Variants in PLA2G4E observed in about 807,000 individuals in gnomAD.
PLA2G4E encodes the protein phospholipase A2 group IVE.
PLA2G4E carries 84 observed loss-of-function variants against 109.1 expected under a neutral mutation model. The ratio of observed to expected loss-of-function variants is 0.77; its 90% CI spans 0.65 to 0.92. PLA2G4E has a LOEUF of 0.92. Among genes scored for constraint, PLA2G4E ranks in the 40% least tolerant of loss-of-function variants. PLA2G4E has a pLI of 0.00. For synonymous variants in PLA2G4E, 469 were observed against 436.1 expected (o/e 1.08, Z -0.94); for missense variants, 1,057 against 1,076.6 (o/e 0.98, Z 0.25).
chr15:42,012,482 T>C (rs1324255040), intron 2 of PLA2G4E, among the ~76,000 whole-genome samples: 5 of 152,042 alleles, frequency 3.3e-5, no homozygotes, highest in Admixed American at 2.6e-4. Context: ...GAGCATCGGG[T>C]AGTGTGTGGA....
intron 1 of PLA2G4E, among the ~76,000 whole-genome samples, chr15:42,038,075 G>C (rs934819381): frequency 1.3e-5 from 2 of 152,312 alleles, no homozygotes; most frequent in Admixed American, 1.3e-4. Context: ...ATAACATTAA[G>C]TTTTGCTGTT....
intron 6 of PLA2G4E, among the ~76,000 whole-genome samples, chr15:42,001,828 A>G (rs1426273372): frequency 2.0e-5 from 3 of 152,122 alleles, no homozygotes; most frequent in Admixed American, 6.5e-5. Flanking sequence ...AGTAGCTGGG[A>G]CTACAGACAC....
intron 1 of PLA2G4E, among the ~76,000 whole-genome samples, chr15:42,030,181 AAG>A (rs1247894522): frequency 6.6e-6 from 1 of 152,210 alleles, no homozygotes; most frequent in Non-Finnish European, 1.5e-5. Context: ...TATGGAGTGA[AAG>A]AATCACAATC....
chr15:42,048,369 C>A (rs1349768374), intron 1 of PLA2G4E, among the ~76,000 whole-genome samples: 2 of 152,148 alleles, frequency 1.3e-5, no homozygotes, highest in African/African-American at 4.8e-5. Flanking sequence ...CTGTAGTTAT[C>A]GTATTGGGTT....
intron 10 of PLA2G4E, 131 bp downstream of exon 10, chr15:41,999,393 A>C: frequency 1.5e-6 from 1 of 673,828 alleles, no homozygotes; most frequent in East Asian, 2.7e-5. Flanking sequence ...ATGATATGCC[A>C]GCCAGCCCAT....
At chr15:42,028,403 A>ATTTATTTCTTTC (rs61100580) in intron 1 of PLA2G4E, among the ~76,000 whole-genome samples, 1 of 144,916 alleles carries the variant, frequency 6.9e-6, no homozygotes, top group Non-Finnish European at 1.5e-5. Flanking sequence ...TTATTTATTT[A>ATTTATTTCTTTC]TTTATTTATT....
intron 13 of PLA2G4E, among the ~76,000 whole-genome samples, chr15:41,991,332 A>G (rs991891692): frequency 6.6e-6 from 1 of 152,234 alleles, no homozygotes; most frequent in Non-Finnish European, 1.5e-5. Context: ...TGCGGCACTC[A>G]TGATTGTTAC....
At chr15:42,004,334 G>A (rs56714583) in intron 5 of PLA2G4E, among the ~76,000 whole-genome samples, 2,151 of 147,800 alleles carry the variant, frequency 0.015, 54 homozygotes, top group African/African-American at 0.05. Context: ...AGAAAGGAAA[G>A]AAAGGGAAAG....
chr15:42,009,347 C>T (rs751930823), intron 2 of PLA2G4E, among the ~76,000 whole-genome samples: 35 of 152,240 alleles, frequency 2.3e-4, no homozygotes, highest in Non-Finnish European at 4.1e-4. Flanking sequence ...CCCCCAACTT[C>T]TCATCTGCCC....
chr15:42,014,323 C>G (rs1358703966), intron 1 of PLA2G4E, among the ~76,000 whole-genome samples: 1 of 152,206 alleles, frequency 6.6e-6, no homozygotes, highest in African/African-American at 2.4e-5. Context: ...ATAGCATGCT[C>G]ATATCTAGAA....
At chr15:42,028,659 G>A (rs1258996923) in intron 1 of PLA2G4E, among the ~76,000 whole-genome samples, 1 of 151,966 alleles carries the variant, frequency 6.6e-6, no homozygotes, top group African/African-American at 2.4e-5. Flanking sequence ...TGCCCACCTC[G>A]GCCTCCCAAA....
At chr15:42,039,094 C>G (rs1889269674) in intron 1 of PLA2G4E, among the ~76,000 whole-genome samples, 1 of 152,080 alleles carries the variant, frequency 6.6e-6, no homozygotes. Flanking sequence ...TTCATTGACT[C>G]CACCCACTTC....
rs115949141 is a variant in PLA2G4E, at chr15:42,037,247, T to C, written c.183+13274A>G. Among the ~76,000 whole-genome samples, 1,428 of 152,304 alleles carry C rather than the reference T, an allele frequency of 9.4e-3. 18 individuals are homozygous for C. The highest frequency in any genetic ancestry group is 0.032 in the African/African-American group (1,336 of 41,562). On this transcript the variant is annotated intron_variant, in intron 1 of 19. Transcript: ENST00000399518. Reference sequence around the variant, plus strand: ...CCCCACCTTCAGGCCAGGCTGCCAGTCCTGTAGATCAGAATGGGAACTTGT... The same window carrying C: ...CCCCACCTTCAGGCCAGGCTGCCAGCCCTGTAGATCAGAATGGGAACTTGT...
chr15:41,990,359 G>C (rs2068223310), intron 13 of PLA2G4E, 124 bp from the exon 14 acceptor site: 1 of 827,326 alleles, frequency 1.2e-6, no homozygotes, highest in African/African-American at 1.7e-5. Flanking sequence ...CCGGGCTGCT[G>C]TATCGGCCCC....
In PLA2G4E at chr15:42,030,067, A is replaced by G. The variant is rs141994765; in HGVS notation, c.184-16310T>C. 9.9e-3 allele frequency among the ~76,000 whole-genome samples: 1,506 copies of G among 152,244 alleles called. 110 individuals carry two copies. The highest frequency in any genetic ancestry group is 0.092 in the Admixed American group (1,414 of 15,296). ...AACTTGCCCTTGAAGAAGGAAGGAT[A>G]TGGGCCTGACAAATGAAGAGGAGGG... On this transcript the variant is annotated intron_variant, in intron 1 of 19. Transcript: ENST00000399518.
At position 42,010,142 on chromosome 15, in the gene PLA2G4E, C is replaced by CCCGCCG. The variant is rs1555387036; in HGVS notation, c.257-2278_257-2277insCGGCGG. On this transcript the variant is annotated intron_variant, in intron 2 of 19. Transcript: ENST00000399518. ...TTTTCCAGAACACTGGCCCCCCCACCCCGGGCCTGGACCACACCCTTCAGG... is the reference window on the plus strand; with the variant it reads ...TTTTCCAGAACACTGGCCCCCCCACCCCGCCGCCGGGCCTGGACCACACCCTTCAGG... 5.9e-5 allele frequency: 27 copies of CCCGCCG among 459,840 alleles called. 3 individuals are homozygous for CCCGCCG. Among genetic ancestry groups the CCCGCCG allele is most frequent in the South Asian group, 1.3e-4 (7 of 52,868 alleles). 28.5% of individuals were successfully genotyped at this position (459,840 alleles called of 1,614,324 possible). A position where few individuals can be genotyped will look rare whatever the true frequency, so the allele number is the denominator to read the frequency against.
In PLA2G4E at chr15:42,006,122, C is replaced by T; in HGVS notation, c.394-1G>A. The T allele has an allele frequency of 6.2e-7, 1 of 1,613,592 alleles. No homozygotes were observed. Among genetic ancestry groups the T allele is most frequent in the Non-Finnish European group, 8.5e-7 (1 of 1,179,626 alleles). The stretch of plus-strand genomic sequence containing the variant: ...CACAGACACTCAACTCTAGCACGTT[C>T]TAGGGGAGAAGGAAGGATGCCAGTC... On this transcript the variant is annotated splice_acceptor_variant, in intron 3 of 19. Coordinates refer to ENST00000399518, the Ensembl canonical transcript of PLA2G4E. LOFTEE classifies it high-confidence loss of function.
At chr15:41,996,350 GA>G (rs34559872) in intron 11 of PLA2G4E, among the ~76,000 whole-genome samples, 28,411 of 74,352 alleles carry the variant, frequency 0.38, 6,324 homozygotes, top group Non-Finnish European at 0.45. Flanking sequence ...CCTGTCTCAA[GA>G]AAAAAAAAAA....
rs754873931 is a variant in PLA2G4E at position 42,006,159 on chromosome 15, G to A, written c.394-38C>T. ...GAAGGATGCCAGTCTGGTTACCACGGTTGCATTGACCCCTTCCCAGAACAA... is the reference window on the plus strand; with the variant it reads ...GAAGGATGCCAGTCTGGTTACCACGATTGCATTGACCCCTTCCCAGAACAA... On this transcript the variant is annotated intron_variant, in intron 3 of 19. Coordinates refer to ENST00000399518, the Ensembl canonical transcript of PLA2G4E. The A allele has an allele frequency of 5.0e-6, 8 of 1,610,570 alleles. No individual in the cohort carries two copies. The South Asian group carries it at 7.7e-5, about 16-fold the overall frequency.
Sources: allele counts gnomAD v4.1 joint callset (sites outside exome capture counted in the v4.1 genomes callset), GRCh38; gene constraint gnomAD v4.1.1; transcripts MANE v1.5; gene names NCBI Gene and HGNC (gene_info 2026-07-23, HGNC 2026-07-21).